ZNF516: variants seen among roughly 807,000 people sequenced by gnomAD.
The protein encoded by ZNF516 is zinc finger protein 516.
ZNF516 carries 19 observed loss-of-function variants against 79.7 expected under a neutral mutation model. The observed-to-expected ratio is 0.24, with a 90% CI of 0.17 to 0.35. The LOEUF (loss-of-function observed/expected upper bound fraction) is 0.35. ZNF516 is among the 10% of genes least tolerant of loss of function. The probability of loss-of-function intolerance (pLI) is 1.00; values close to 1 mark genes in which losing one functional copy is unlikely to be tolerated. For synonymous variants in ZNF516, 877 were observed against 739.5 expected (o/e 1.19, Z -3.02); for missense variants, 1,678 against 1,679.5 (o/e 1.00, Z 0.02).
At chr18:76,378,688 G>A (rs2074829891) in intron 4 of ZNF516, among the ~76,000 whole-genome samples, 167 bp downstream of exon 4, 1 of 152,232 alleles carries the variant, frequency 6.6e-6, no homozygotes, top group Non-Finnish European at 1.5e-5. Flanking sequence ...CATCTGCTGT[G>A]CTCCTCGGCC....
chr18:76,435,725 G>A (rs1485597771), intron 3 of ZNF516, among the ~76,000 whole-genome samples: 2 of 152,260 alleles, frequency 1.3e-5, no homozygotes, highest in East Asian at 3.8e-4. Context: ...ACAGGGTAAA[G>A]TCACGGAGGA....
chr18:76,450,051 C>G (rs958106513), intron 2 of ZNF516, among the ~76,000 whole-genome samples: 2 of 151,980 alleles, frequency 1.3e-5, no homozygotes, highest in African/African-American at 4.8e-5. Context: ...TTGTGTTAAG[C>G]TGGTAATATA....
At chr18:76,485,025 T>C (rs1445395288) in intron 1 of ZNF516, among the ~76,000 whole-genome samples, 1 of 144,322 alleles carries the variant, frequency 6.9e-6, no homozygotes, top group Admixed American at 7.2e-5. Flanking sequence ...ACTTTTACAT[T>C]AGGAATTCAC....
intron 1 of ZNF516, among the ~76,000 whole-genome samples, chr18:76,476,513 T>C (rs556685291): frequency 2.6e-5 from 4 of 152,336 alleles, no homozygotes; most frequent in South Asian, 4.1e-4. Context: ...GGACAGGGAA[T>C]AGGATTGGTC....
chr18:76,450,183 A>AAGG lies in ZNF516; in HGVS notation c.-157-6975_-157-6973dup, dbSNP rs1453714741. On this transcript the variant is annotated intron_variant, in intron 2 of 6. Coordinates refer to ENST00000443185, the MANE Select transcript of ZNF516 (RefSeq NM_014643.4). ...AGAATGTTAACAACTCATGAAACTAAAGGGGGGGGGGTGTTTATTTCTAAC... is the reference window on the plus strand; with the variant it reads ...AGAATGTTAACAACTCATGAAACTAAAGGAGGGGGGGGGGTGTTTATTTCTAAC... Among the ~76,000 whole-genome samples, 241 of 43,022 alleles carry AAGG rather than the reference A, an allele frequency of 5.6e-3. 11 individuals are homozygous for AAGG. In the East Asian group the frequency reaches 0.066, roughly 12 times the overall value. The allele number at this position is 43,022 out of a possible 152,430, so 28.2% of individuals were successfully genotyped here. A position where few individuals can be genotyped will look rare whatever the true frequency, so the allele number is the denominator to read the frequency against.
At position 76,430,071 on chromosome 18, in the gene ZNF516, G is replaced by C. The variant is rs935968601; in HGVS notation, c.1810+11174C>G. Among the ~76,000 whole-genome samples, 13 of 152,086 alleles carry C rather than the reference G, an allele frequency of 8.5e-5. No homozygotes were observed. In the East Asian group the frequency reaches 2.5e-3, roughly 29 times the overall value. On this transcript the variant is annotated intron_variant, in intron 3 of 6. Transcript: ENST00000443185. ...TGCTTTTTTCATACCTGAACTTCAG[G>C]AACTTCCTGGGCCACCTTCTGGGGG...
chr18:76,434,143 CTA>C, intron 3 of ZNF516, among the ~76,000 whole-genome samples: 1 of 152,200 alleles, frequency 6.6e-6, no homozygotes, highest in South Asian at 2.1e-4. Context: ...ATGAGATGCC[CTA>C]TCTCACGGGA....
At chr18:76,476,930 C>A (rs996154427) in intron 1 of ZNF516, among the ~76,000 whole-genome samples, 1 of 152,154 alleles carries the variant, frequency 6.6e-6, no homozygotes, top group African/African-American at 2.4e-5. Context: ...TGAAATTGCA[C>A]TTGTGGAGAC....
At position 76,423,326 on chromosome 18, in the gene ZNF516, C is replaced by A. The variant is rs547585281; in HGVS notation, c.1810+17919G>T. Among the ~76,000 whole-genome samples the A allele has an allele frequency of 2.6e-5, 4 of 152,368 alleles. No homozygotes were observed. In the South Asian group the frequency reaches 8.3e-4, roughly 32 times the overall value. ...TTCTTGCGTGTTCTCGTTAATAAGT[C>A]CGCAATGTGAACTGACAGTACCTTG... On this transcript the variant is annotated intron_variant, in intron 3 of 6. Coordinates refer to ENST00000443185, the MANE Select transcript of ZNF516 (RefSeq NM_014643.4).
At position 76,443,012 on chromosome 18, in the gene ZNF516, G is replaced by T; in HGVS notation, c.43C>A (p.Pro15Thr). ...REAEMELRRG[P>T]SPTRAGRGHE... is the part of the protein sequence containing the mutation. ...CCCCGGCCGGCCCTGGTGGGGCTGGGGCCTCGCCTCAGCTCCATCTCGGCC... is the reference window on the plus strand; with the variant it reads ...CCCCGGCCGGCCCTGGTGGGGCTGGTGCCTCGCCTCAGCTCCATCTCGGCC... The change falls in exon 3 of 7, where the codon CCC (proline) becomes ACC (threonine). Residue 15 changes from proline to threonine, a missense_variant. Pro to Thr is a conservative substitution (Grantham distance 38). Transcript: ENST00000443185. 6.3e-7 allele frequency: 1 copy of T among 1,599,458 alleles called. No individual in the cohort carries two copies.
intron 3 of ZNF516, among the ~76,000 whole-genome samples, chr18:76,401,838 T>C (rs62110899): frequency 1.1e-4 from 1 of 8,964 alleles, no homozygotes; most frequent in Admixed American, 1.1e-3. Context: ...GCTCCATCTC[T>C]CCACCAACCA....
rs751361720 is a variant in ZNF516 at position 76,441,490 on chromosome 18, T to C, written c.1565A>G (p.Lys522Arg). The C allele has an allele frequency of 3.3e-5, 53 of 1,599,690 alleles. 1 individual carries two copies. Among genetic ancestry groups the C allele is most frequent in the South Asian group, 2.2e-4 (20 of 89,304 alleles). Residue 522 changes from lysine to arginine, a missense_variant, in exon 3 of 7, where the codon AAG (lysine) becomes AGG (arginine). Around this residue, in one of 5 missense-constraint regions of ZNF516, gnomAD observed 1,294 missense variants for 1,248.3 expected, o/e 1.04. Coordinates refer to ENST00000443185, the MANE Select transcript of ZNF516 (RefSeq NM_014643.4). The part of the protein sequence containing the change: ...GKSSECFECG[K>R]IFRTYHQMVL... ...CATCTGATGATAGGTGCGGAAGATC[T>C]TGCCGCACTCGAAGCACTCGGAGGA... is the stretch of plus-strand genomic sequence containing the variant.
intron 1 of ZNF516, among the ~76,000 whole-genome samples, chr18:76,473,084 A>G (rs1303273168): frequency 6.6e-6 from 1 of 152,198 alleles, no homozygotes; most frequent in African/African-American, 2.4e-5. Context: ...TTAAGAAAAC[A>G]TTATAAATAC....
chr18:76,440,184 G>A (rs2075796856), intron 3 of ZNF516, among the ~76,000 whole-genome samples: 1 of 145,574 alleles, frequency 6.9e-6, no homozygotes, highest in Admixed American at 7.0e-5. Context: ...GCATTTCAGT[G>A]TAACAGACCC....
chr18:76,402,000 T>TGTACACGTTTGTGTGTACGCGC (rs1408564609), intron 3 of ZNF516, among the ~76,000 whole-genome samples: 2 of 143,506 alleles, frequency 1.4e-5, no homozygotes, highest in Non-Finnish European at 3.2e-5. Flanking sequence ...TGTACGCGCG[T>TGTACACGTTTGTGTGTACGCGC]GTGTACACGT....
At chr18:76,363,508 T>A (rs1040017269) in intron 6 of ZNF516, among the ~76,000 whole-genome samples, 1 of 152,160 alleles carries the variant, frequency 6.6e-6, no homozygotes, top group South Asian at 2.1e-4. Context: ...AGTTGGCATG[T>A]AGTGGAAGTC....
In ZNF516 at chr18:76,467,136, T is replaced by TTGTCCCAGAGAGGAAATGATTTGGG. The variant is rs1913525097; in HGVS notation, c.-271-3996_-271-3995insCCCAAATCATTTCCTCTCTGGGACA. On this transcript the variant is annotated intron_variant, in intron 1 of 6. Transcript: ENST00000443185. The surrounding 1 kb of genome is among the most constrained non-coding windows in gnomAD (Gnocchi z 4.2). Reference sequence around the variant, plus strand: ...GCTGGCAGGAAGTCCTGCGTGTCTCTCGGAACCTGCAGCTCACAGCCCTTC... The same window carrying TTGTCCCAGAGAGGAAATGATTTGGG: ...GCTGGCAGGAAGTCCTGCGTGTCTCTTGTCCCAGAGAGGAAATGATTTGGGCGGAACCTGCAGCTCACAGCCCTTC... 6.7e-6 allele frequency among the ~76,000 whole-genome samples: 1 copy of TTGTCCCAGAGAGGAAATGATTTGGG among 149,902 alleles called. No homozygotes were observed. The highest frequency in any genetic ancestry group is 2.5e-5 in the African/African-American group (1 of 40,330).
chr18:76,383,809 C>T lies in ZNF516; in HGVS notation c.1811-3506G>A, dbSNP rs117148554. Among the ~76,000 whole-genome samples, 639 of 152,380 alleles carry T rather than the reference C, an allele frequency of 4.2e-3. 16 individuals are homozygous for T. Among genetic ancestry groups the T allele is most frequent in the Admixed American group, 0.039 (590 of 15,310 alleles). ...AGGCCCAAGCGCTCCCCGCATTCATCATCAGTAAGCCACAGAACAGACGGC... is the reference window on the plus strand; with the variant it reads ...AGGCCCAAGCGCTCCCCGCATTCATTATCAGTAAGCCACAGAACAGACGGC... On this transcript the variant is annotated intron_variant, in intron 3 of 6. Transcript: ENST00000443185.
At chr18:76,411,696 G>A (rs578158758) in intron 3 of ZNF516, among the ~76,000 whole-genome samples, 68 of 152,172 alleles carry the variant, frequency 4.5e-4, no homozygotes, top group African/African-American at 1.1e-3. Flanking sequence ...GCTTGACTAC[G>A]GAGAGGGCTC....
Sources: gnomAD v4.1 joint callset for allele counts (sites outside exome capture counted in the v4.1 genomes callset) on GRCh38, gnomAD v4.1.1 for gene constraint, gnomAD v4.1.1 regional missense constraint, Gnocchi (gnomAD v3.1) non-coding constraint, MANE v1.5 for transcripts, NCBI Gene and HGNC (gene_info 2026-07-23, HGNC 2026-07-21) for gene names.